NRXN1: variants seen among roughly 807,000 people sequenced by gnomAD.
NRXN1 encodes the protein neurexin-1.
In NRXN1, 39 loss-of-function variants were observed where a neutral mutation model predicts 150.9. The ratio of observed to expected loss-of-function variants is 0.26; its 90% CI spans 0.20 to 0.34. The LOEUF (loss-of-function observed/expected upper bound fraction) is 0.34, where lower values mean the gene tolerates loss of function less well. Among genes scored for constraint, NRXN1 ranks in the 10% least tolerant of loss-of-function variants. The pLI is 1.00. For missense variants in NRXN1, 1,815 were observed against 1,949.9 expected (o/e 0.93, Z 1.30); for synonymous variants, 924 against 757.0 (o/e 1.22, Z -3.62).
intron 5 of NRXN1, among the ~76,000 whole-genome samples, chr2:50,771,089 G>C (rs1271454445): frequency 6.6e-6 from 1 of 152,068 alleles, no homozygotes; most frequent in African/African-American, 2.4e-5. Flanking sequence ...TTCTACTTTA[G>C]AGCTAACTGA....
chr2:50,980,559 G>C (rs1696628934), intron 2 of NRXN1, among the ~76,000 whole-genome samples: 1 of 151,920 alleles, frequency 6.6e-6, no homozygotes, highest in South Asian at 2.1e-4. Flanking sequence ...AGTTTATGAA[G>C]GTAATAACCA....
Position 50,922,447 on chromosome 2 carries a change from G to A in NRXN1, c.820+211C>T, listed in dbSNP as rs1686181459. Reference sequence around the variant, plus strand: ...TTGCAAATATTATAATGCAAGAAATGAAGGAAAATAAAAGCCACAGGAACA... The same window carrying A: ...TTGCAAATATTATAATGCAAGAAATAAAGGAAAATAAAAGCCACAGGAACA... On this transcript the variant is annotated intron_variant, in intron 4 of 22. Coordinates refer to ENST00000401669, the MANE Select transcript of NRXN1 (RefSeq NM_001330078.2). 6.3e-6 allele frequency: 4 copies of A among 631,966 alleles called. No homozygotes were observed. The African/African-American group carries it at 7.4e-5, about 12-fold the overall frequency. 39.1% of individuals were successfully genotyped at this position (631,966 alleles called of 1,614,324 possible). A position where few individuals can be genotyped will look rare whatever the true frequency, so the allele number is the denominator to read the frequency against.
intron 8 of NRXN1, among the ~76,000 whole-genome samples, chr2:50,585,747 T>C (rs1672995909): frequency 6.6e-6 from 1 of 152,186 alleles, no homozygotes; most frequent in African/African-American, 2.4e-5. Context: ...CTATTTTTAA[T>C]TGGTTTTTGA....
At chr2:50,550,151 T>C (rs1350739160) in intron 9 of NRXN1, among the ~76,000 whole-genome samples, 1 of 152,172 alleles carries the variant, frequency 6.6e-6, no homozygotes, top group African/African-American at 2.4e-5. Flanking sequence ...TGAAAAGCAA[T>C]TGATTTGATG....
intron 5 of NRXN1, among the ~76,000 whole-genome samples, chr2:50,861,561 G>A (rs1676134044): frequency 6.6e-6 from 1 of 152,062 alleles, no homozygotes; most frequent in Non-Finnish European, 1.5e-5. Flanking sequence ...TTAAGAGGAT[G>A]CTGCAATCTC....
chr2:50,347,557 C>G lies in NRXN1; in HGVS notation c.3365-110587G>C, dbSNP rs1156696727. 2.9e-6 allele frequency: 3 copies of G among 1,026,518 alleles called. No individual in the cohort carries two copies. Among genetic ancestry groups the G allele is most frequent in the East Asian group, 1.1e-4 (1 of 9,072 alleles). 63.6% of individuals were successfully genotyped at this position (1,026,518 alleles called of 1,614,324 possible). A position where few individuals can be genotyped will look rare whatever the true frequency, so the allele number is the denominator to read the frequency against. ...AGCCTCCCCCGGGCAGCGCGCGGAG[C>G]AGCGGCGCGCATCGCCTGCTCCCGA... On this transcript the variant is annotated intron_variant, in intron 17 of 22. Coordinates refer to ENST00000401669, the MANE Select transcript of NRXN1 (RefSeq NM_001330078.2). The surrounding 1 kb of genome is among the most constrained non-coding windows in gnomAD (Gnocchi z 4.9).
At chr2:50,310,124 G>C (rs565372985) in intron 17 of NRXN1, among the ~76,000 whole-genome samples, 9 of 152,340 alleles carry the variant, frequency 5.9e-5, no homozygotes, top group African/African-American at 2.2e-4. Context: ...AAAGGAAAGA[G>C]AGAGTATCTT....
chr2:50,073,103 A>G (rs1307466581), intron 19 of NRXN1, among the ~76,000 whole-genome samples: 1 of 152,212 alleles, frequency 6.6e-6, no homozygotes, highest in Non-Finnish European at 1.5e-5. Context: ...GAATTACAAT[A>G]TCAGTGTCCT....
chr2:50,032,940 A>G (rs1689400721), intron 21 of NRXN1, among the ~76,000 whole-genome samples: 1 of 149,602 alleles, frequency 6.7e-6, no homozygotes, highest in African/African-American at 2.5e-5. Flanking sequence ...CACACATAAT[A>G]CACACATACA....
rs189745099 is a variant in NRXN1, at chr2:50,176,469, T to C, written c.3546+60320A>G. Among the ~76,000 whole-genome samples the C allele has an allele frequency of 7.4e-4, 112 of 152,218 alleles. 1 individual carries two copies. Among genetic ancestry groups the C allele is most frequent in the African/African-American group, 2.4e-3 (101 of 41,554 alleles). On this transcript the variant is annotated intron_variant, in intron 18 of 22. Coordinates refer to ENST00000401669, the MANE Select transcript of NRXN1 (RefSeq NM_001330078.2). Reference sequence around the variant, plus strand: ...GTTTAATGGCATGCCTGGCCTCGACTCATTAGATGCCTGTTATCACCTCTC... The same window carrying C: ...GTTTAATGGCATGCCTGGCCTCGACCCATTAGATGCCTGTTATCACCTCTC...
At chr2:50,850,872 C>T (rs1356665432) in intron 5 of NRXN1, among the ~76,000 whole-genome samples, 1 of 152,058 alleles carries the variant, frequency 6.6e-6, no homozygotes, top group African/African-American at 2.4e-5. Context: ...CTAGTCAGTA[C>T]ATCTTCTAAA....
chr2:51,001,241 G>GGA, intron 2 of NRXN1, among the ~76,000 whole-genome samples: 1 of 131,654 alleles, frequency 7.6e-6, no homozygotes, highest in African/African-American at 2.8e-5. Context: ...GGTTGGGGGG[G>GGA]GGGGGCGTTT....
intron 5 of NRXN1, among the ~76,000 whole-genome samples, chr2:50,651,674 G>T (rs1685658997): frequency 6.6e-6 from 1 of 151,898 alleles, no homozygotes; most frequent in African/African-American, 2.4e-5. Context: ...AAGAAAGAAA[G>T]AATGTTAACT....
intron 17 of NRXN1, among the ~76,000 whole-genome samples, chr2:50,334,580 C>T (rs76971780): frequency 4.0e-3 from 604 of 152,210 alleles, no homozygotes; most frequent in African/African-American, 0.013. Context: ...CTTTGGAGGT[C>T]CTATTTCCCA....
intron 17 of NRXN1, among the ~76,000 whole-genome samples, chr2:50,357,302 A>AT (rs10597647): frequency 8.4e-5 from 12 of 142,836 alleles, no homozygotes; most frequent in Non-Finnish European, 1.2e-4. Flanking sequence ...TTATTTATTT[A>AT]TTTTTTTTTT....
chr2:50,399,173 C>T (rs903871422), intron 17 of NRXN1, among the ~76,000 whole-genome samples: 37 of 152,066 alleles, frequency 2.4e-4, no homozygotes, highest in African/African-American at 8.2e-4. Context: ...TTTTAAGAGA[C>T]GAATTCAAGA....
intron 9 of NRXN1, among the ~76,000 whole-genome samples, chr2:50,539,857 A>T (rs2093350648): frequency 6.6e-6 from 1 of 152,220 alleles, no homozygotes; most frequent in African/African-American, 2.4e-5. Context: ...AGAAGTAAGG[A>T]CAAAAAGAAG....
At chr2:50,121,592 C>T (rs572970916) in intron 18 of NRXN1, among the ~76,000 whole-genome samples, 1 of 152,076 alleles carries the variant, frequency 6.6e-6, no homozygotes, top group Admixed American at 6.6e-5. Context: ...TTTCTGGAAC[C>T]AATCCTTGGA....
chr2:50,406,582 T>C (rs754002009), intron 17 of NRXN1, among the ~76,000 whole-genome samples: 94 of 152,232 alleles, frequency 6.2e-4, no homozygotes, highest in Non-Finnish European at 1.0e-3. Flanking sequence ...TAGCCAGGTG[T>C]AGGTAGGATC....
Sources: allele counts gnomAD v4.1 joint callset (sites outside exome capture counted in the v4.1 genomes callset), GRCh38; gene constraint gnomAD v4.1.1; non-coding constraint Gnocchi (gnomAD v3.1); transcripts MANE v1.5; gene names NCBI Gene and HGNC (gene_info 2026-07-23, HGNC 2026-07-21).